TOX3: variants seen among roughly 807,000 people sequenced by gnomAD.
The protein encoded by TOX3 is TOX high mobility group box family member 3.
TOX3 carries 22 observed loss-of-function variants against 64.3 expected under a neutral mutation model. The observed-to-expected ratio is 0.34, with a 90% CI of 0.24 to 0.49. The LOEUF (loss-of-function observed/expected upper bound fraction) is 0.49. TOX3 is among the 20% of genes least tolerant of loss of function. The pLI is 0.99. For missense variants in TOX3, 661 were observed against 714.4 expected, an observed-to-expected ratio of 0.93 and a Z score of 0.85; for synonymous variants, 291 against 273.6, an observed-to-expected ratio of 1.06 and a Z score of -0.63.
chr16:52,536,819 G>C (rs1249620618), intron 1 of TOX3, among the ~76,000 whole-genome samples: 1 of 150,642 alleles, frequency 6.6e-6, no homozygotes, highest in Non-Finnish European at 1.5e-5. Context: ...GTGTTTCCCA[G>C]GCTGGAAGTG....
chr16:52,526,072 A>G (rs1454271154), intron 1 of TOX3, among the ~76,000 whole-genome samples: 3 of 152,204 alleles, frequency 2.0e-5, no homozygotes, highest in African/African-American at 7.2e-5. Context: ...AAGTATTCTC[A>G]TACTTTTCTG....
chr16:52,466,349 T>C (rs959996712), intron 2 of TOX3, among the ~76,000 whole-genome samples: 1 of 152,182 alleles, frequency 6.6e-6, no homozygotes, highest in Non-Finnish European at 1.5e-5. Context: ...TCCTGTAGTG[T>C]TATCTACAGG....
chr16:52,530,542 G>A (rs1962828427), intron 1 of TOX3, among the ~76,000 whole-genome samples: 1 of 152,078 alleles, frequency 6.6e-6, no homozygotes, highest in Non-Finnish European at 1.5e-5. Context: ...TCACCATGTT[G>A]GTCATGGTTG....
chr16:52,521,562 A>C (rs1962610267), intron 1 of TOX3, among the ~76,000 whole-genome samples: 1 of 152,230 alleles, frequency 6.6e-6, no homozygotes, highest in Admixed American at 6.5e-5. Context: ...GTGCATGGCC[A>C]TCTGTGCCGA....
chr16:52,540,209 A>C (rs762090775), intron 1 of TOX3, among the ~76,000 whole-genome samples: 1 of 151,724 alleles, frequency 6.6e-6, no homozygotes. Context: ...GCAAGACCCT[A>C]TCTCTGCAAA....
upstream of TOX3, chr16:52,547,639 C>A (rs1352924116): frequency 6.6e-6 from 1 of 152,248 alleles, no homozygotes; most frequent in African/African-American, 2.4e-5. Context: ...ATGTCCCCTG[C>A]GTGGACACAC....
chr16:52,487,687 G>A (rs981915889), intron 1 of TOX3, among the ~76,000 whole-genome samples: 2 of 152,118 alleles, frequency 1.3e-5, no homozygotes, highest in African/African-American at 4.8e-5. Flanking sequence ...TTTCAATAAG[G>A]TCTTAAAAAC....
In TOX3 at chr16:52,438,762, T is replaced by C. The variant is rs1174826394; in HGVS notation, c.*463A>G. On this transcript the variant is annotated 3_prime_UTR_variant, in exon 7 of 7. Coordinates refer to ENST00000219746, the MANE Select transcript of TOX3 (RefSeq NM_001080430.4). ...ACTATTCACGTCATACAAATGTTTG[T>C]ATGAAACTGGATCTTCATATTTCAG... The C allele has an allele frequency of 4.8e-6, 1 of 207,614 alleles. No homozygotes were observed. Among genetic ancestry groups the C allele is most frequent in the African/African-American group, 2.3e-5 (1 of 42,696 alleles). 12.9% of individuals were successfully genotyped at this position (207,614 alleles called of 1,614,324 possible).
intron 1 of TOX3, among the ~76,000 whole-genome samples, chr16:52,512,667 A>G (rs1193504773): frequency 1.3e-5 from 2 of 152,222 alleles, no homozygotes; most frequent in African/African-American, 4.8e-5. Flanking sequence ...TGGGTAGCAT[A>G]CTTTTGAAAG....
intron 1 of TOX3, among the ~76,000 whole-genome samples, chr16:52,531,190 T>A (rs1962845286): frequency 6.6e-6 from 1 of 152,206 alleles, no homozygotes. Flanking sequence ...TTATTTATTA[T>A]AAACAATGGG....
chr16:52,442,961 G>C (rs1434652617), intron 6 of TOX3, among the ~76,000 whole-genome samples: 1 of 152,088 alleles, frequency 6.6e-6, no homozygotes, highest in Non-Finnish European at 1.5e-5. Context: ...GTCAGTCACA[G>C]GCTTCATGAG....
intron 1 of TOX3, among the ~76,000 whole-genome samples, chr16:52,491,899 T>C (rs944658949): frequency 2.6e-5 from 4 of 152,068 alleles, no homozygotes; most frequent in Non-Finnish European, 5.9e-5. Flanking sequence ...TTTCTGATGG[T>C]TTCTTGCCTC....
chr16:52,546,444 G>T (rs1168614050), intron 1 of TOX3, among the ~76,000 whole-genome samples, 193 bp downstream of exon 1: 1 of 152,124 alleles, frequency 6.6e-6, no homozygotes, highest in Non-Finnish European at 1.5e-5. Flanking sequence ...CCGGCTGGGG[G>T]ACAAAAAGCG....
At chr16:52,475,306 G>A (rs771856754) in intron 1 of TOX3, among the ~76,000 whole-genome samples, 1 of 152,140 alleles carries the variant, frequency 6.6e-6, no homozygotes, top group Non-Finnish European at 1.5e-5. Flanking sequence ...ATTTCTGGGT[G>A]CAAAATAATG....
chr16:52,501,551 TAGGG>T (rs1309237905), intron 1 of TOX3, among the ~76,000 whole-genome samples: 2 of 151,854 alleles, frequency 1.3e-5, no homozygotes, highest in African/African-American at 4.8e-5. Flanking sequence ...TCCCAGCTAC[TAGGG>T]AGGCTGAAGC....
chr16:52,496,579 G>A (rs968387113), intron 1 of TOX3, among the ~76,000 whole-genome samples: 9 of 152,308 alleles, frequency 5.9e-5, no homozygotes, highest in South Asian at 2.1e-4. Flanking sequence ...CTAAGTAAAT[G>A]TTCAGCGGTA....
intron 1 of TOX3, among the ~76,000 whole-genome samples, chr16:52,471,956 C>T (rs1389194528): frequency 2.0e-5 from 3 of 152,158 alleles, no homozygotes; most frequent in Non-Finnish European, 2.9e-5. Flanking sequence ...ATTTACATTC[C>T]GGTATCTGCA....
At chr16:52,547,642 G>A (rs897479825), upstream of TOX3, 4 of 152,162 alleles carry the variant, frequency 2.6e-5, no homozygotes, top group Admixed American at 1.3e-4. Flanking sequence ...TCCCCTGCGT[G>A]GACACACCTA....
chr16:52,493,778 G>A (rs538825595), intron 1 of TOX3, among the ~76,000 whole-genome samples: 2 of 152,134 alleles, frequency 1.3e-5, no homozygotes, highest in Admixed American at 1.3e-4. Context: ...CTTTTCATTT[G>A]GAGGAAAGGT....
Sources: allele counts gnomAD v4.1 joint callset (sites outside exome capture counted in the v4.1 genomes callset), GRCh38; gene constraint gnomAD v4.1.1; transcripts MANE v1.5; gene names NCBI Gene and HGNC (gene_info 2026-07-23, HGNC 2026-07-21).